MYPN: variants seen among roughly 807,000 people sequenced by gnomAD.
MYPN encodes the protein sarcomeric protein myopalladin, 145 kDa (MYOP).
Under a neutral mutation model 129.4 loss-of-function variants are expected in MYPN, and 63 were observed. The ratio of observed to expected loss-of-function variants is 0.49; its 90% CI spans 0.40 to 0.60. The LOEUF (loss-of-function observed/expected upper bound fraction) is 0.60, where lower values mean the gene tolerates loss of function less well. MYPN is among the 20% of genes least tolerant of loss of function. The pLI, the probability that MYPN is intolerant of heterozygous loss-of-function variation, is 0.00. For synonymous variants in MYPN, 629 were observed against 600.9 expected (o/e 1.05, Z -0.68); for missense variants, 1,596 against 1,635.4 (o/e 0.98, Z 0.42).
chr10:68,106,854 G>A (rs576190806), upstream of MYPN: 88 of 714,384 alleles, frequency 1.2e-4, 1 homozygote, highest in East Asian at 2.1e-3. Flanking sequence ...ACAGCTGAAG[G>A]CAAGCACAGG....
At chr10:68,173,548 G>A (rs1349641513) in intron 10 of MYPN, among the ~76,000 whole-genome samples, 1 of 152,022 alleles carries the variant, frequency 6.6e-6, no homozygotes, top group Non-Finnish European at 1.5e-5. Context: ...CACTCTGGTT[G>A]TGTGTTCTTT....
intron 18 of MYPN, among the ~76,000 whole-genome samples, chr10:68,205,527 A>G (rs978516156): frequency 6.6e-6 from 1 of 151,870 alleles, no homozygotes; most frequent in Non-Finnish European, 1.5e-5. Context: ...AAAAAAAAAA[A>G]AAAAGAAAAA....
chr10:68,157,618 G>A (rs1366184134), intron 6 of MYPN, among the ~76,000 whole-genome samples: 1 of 144,122 alleles, frequency 6.9e-6, no homozygotes, highest in Admixed American at 7.4e-5. Context: ...TGGATCACTT[G>A]AGCCCAGAAG....
At chr10:68,143,320 A>G (rs559449857) in intron 3 of MYPN, among the ~76,000 whole-genome samples, 1 of 152,208 alleles carries the variant, frequency 6.6e-6, no homozygotes, top group African/African-American at 2.4e-5. Flanking sequence ...AACAAGATAA[A>G]CAAATAAAAT....
intron 8 of MYPN, 59 bp downstream of exon 8, chr10:68,161,811 T>C: frequency 2.3e-6 from 3 of 1,295,688 alleles, no homozygotes; most frequent in Non-Finnish European, 1.1e-6. Context: ...TATACAAGAA[T>C]ACATAATGAA....
intron 1 of MYPN, among the ~76,000 whole-genome samples, chr10:68,091,624 G>A (rs2041931618): frequency 6.6e-6 from 1 of 151,326 alleles, no homozygotes; most frequent in South Asian, 2.1e-4. Flanking sequence ...TGAACTCCGG[G>A]GCTCAAGTGA....
At chr10:68,144,120 C>T (rs1393794200) in intron 3 of MYPN, among the ~76,000 whole-genome samples, 3 of 152,114 alleles carry the variant, frequency 2.0e-5, no homozygotes, top group African/African-American at 7.2e-5. Flanking sequence ...AGGATAGATG[C>T]ATGGGTACCA....
chr10:68,210,242 C>T, intron 19 of MYPN, 44 bp from the exon 20 acceptor site: 1 of 1,607,366 alleles, frequency 6.2e-7, no homozygotes. Flanking sequence ...ACATGCTGGA[C>T]TGCATTCCTT....
chr10:68,193,661 T>C (rs149690764), intron 13 of MYPN, among the ~76,000 whole-genome samples: 1 of 152,174 alleles, frequency 6.6e-6, no homozygotes, highest in Non-Finnish European at 1.5e-5. Flanking sequence ...ATTAGCATAG[T>C]GTTATCATGT....
intron 2 of MYPN, among the ~76,000 whole-genome samples, chr10:68,134,849 G>A (rs968169231): frequency 6.6e-6 from 1 of 151,836 alleles, no homozygotes; most frequent in Admixed American, 6.6e-5. Flanking sequence ...TGTGGTAAGG[G>A]GTGGTATTGA....
chr10:68,174,864 G>A (rs1302589084), intron 11 of MYPN, among the ~76,000 whole-genome samples: 2 of 152,174 alleles, frequency 1.3e-5, no homozygotes, highest in Non-Finnish European at 2.9e-5. Flanking sequence ...GCTAGGTGTG[G>A]TAACTCATGC....
At chr10:68,193,428 C>T (rs6480310) in intron 13 of MYPN, among the ~76,000 whole-genome samples, 144,376 of 152,310 alleles carry the variant, frequency 0.95, 68,900 homozygotes, top group Middle Eastern at 1. Flanking sequence ...ACTCACCAAA[C>T]TGATATTTTT....
At chr10:68,139,666 C>T (rs561802769) in intron 2 of MYPN, among the ~76,000 whole-genome samples, 1 of 152,350 alleles carries the variant, frequency 6.6e-6, no homozygotes, top group South Asian at 2.1e-4. Flanking sequence ...GAACCCATTT[C>T]AGCAGCTCTA....
At chr10:68,101,378 G>A (rs1292803915), upstream of MYPN, among the ~76,000 whole-genome samples, 1 of 152,172 alleles carries the variant, frequency 6.6e-6, no homozygotes, top group Non-Finnish European at 1.5e-5. Context: ...GACCAGAACA[G>A]TGGTTTGTAT....
chr10:68,137,768 A>G, intron 2 of MYPN, among the ~76,000 whole-genome samples: 1 of 151,398 alleles, frequency 6.6e-6, no homozygotes, highest in East Asian at 1.9e-4. Flanking sequence ...TTTTTTTTTT[A>G]CTTGAAATGT....
intron 1 of MYPN, among the ~76,000 whole-genome samples, chr10:68,115,505 G>A (rs1254563208): frequency 6.6e-6 from 1 of 152,084 alleles, no homozygotes; most frequent in East Asian, 1.9e-4. Flanking sequence ...TCAAATACGA[G>A]CATTTCTGGC....
upstream of MYPN, chr10:68,106,094 C>T: frequency 2.2e-6 from 1 of 453,208 alleles, no homozygotes; most frequent in Admixed American, 2.4e-5. Context: ...CTTCATGGCA[C>T]TTTTGTGTCT....
chr10:68,104,754 T>C (rs1340418348), upstream of MYPN, among the ~76,000 whole-genome samples: 1 of 152,114 alleles, frequency 6.6e-6, no homozygotes, highest in African/African-American at 2.4e-5. Flanking sequence ...GAATATTTAC[T>C]AAAAGAAAGA....
intron 6 of MYPN, 136 bp downstream of exon 6, chr10:68,150,247 G>A (rs2042746063): frequency 1.3e-6 from 1 of 747,144 alleles, no homozygotes; most frequent in Non-Finnish European, 2.3e-6. Context: ...GGGTTGTTTT[G>A]TTAGTTACTA....
Sources: allele counts gnomAD v4.1 joint callset (sites outside exome capture counted in the v4.1 genomes callset), GRCh38; gene constraint gnomAD v4.1.1; transcripts MANE v1.5; gene names NCBI Gene and HGNC (gene_info 2026-07-23, HGNC 2026-07-21).